Variants in MAP7 observed in about 807,000 individuals in gnomAD.
The protein encoded by MAP7 is microtubule associated protein 7.
Under a neutral mutation model 94.8 loss-of-function variants are expected in MAP7, and 52 were observed. The observed-to-expected ratio is 0.55, with a 90% CI of 0.44 to 0.69. MAP7 has a LOEUF of 0.69. Among genes scored for constraint, MAP7 ranks in the 30% least tolerant of loss-of-function variants. MAP7 has a pLI of 0.00. For missense variants in MAP7, 940 were observed against 964.6 expected (o/e 0.97, Z 0.34); for synonymous variants, 350 against 357.0 (o/e 0.98, Z 0.22).
At chr6:136,523,208 A>G (rs1461934742) in intron 1 of MAP7, among the ~76,000 whole-genome samples, 4 of 152,262 alleles carry the variant, frequency 2.6e-5, no homozygotes, top group African/African-American at 9.6e-5. Flanking sequence ...CTGTGTTCTC[A>G]TGCAGTACAG....
intron 1 of MAP7, among the ~76,000 whole-genome samples, chr6:136,532,937 A>G (rs973387996): frequency 6.6e-6 from 1 of 152,218 alleles, no homozygotes; most frequent in Non-Finnish European, 1.5e-5. Flanking sequence ...CACTACTCTG[A>G]TCTCCGCACC....
intron 1 of MAP7, among the ~76,000 whole-genome samples, chr6:136,498,296 C>T (rs1284565837): frequency 1.3e-5 from 2 of 151,998 alleles, no homozygotes; most frequent in Non-Finnish European, 2.9e-5. Flanking sequence ...TGTTCATCAT[C>T]AGCATGATGA....
At chr6:136,401,605 G>A (rs1784099850) in intron 3 of MAP7, among the ~76,000 whole-genome samples, 1 of 152,062 alleles carries the variant, frequency 6.6e-6, no homozygotes. Context: ...CACAGGATAG[G>A]GAACATCACA....
intron 1 of MAP7, chr6:136,525,901 G>A: frequency 6.5e-7 from 1 of 1,535,104 alleles, no homozygotes; most frequent in Non-Finnish European, 8.7e-7. Context: ...AAACCAAGAG[G>A]AATTGGCCTT....
At chr6:136,511,910 A>T (rs1016069844) in intron 1 of MAP7, among the ~76,000 whole-genome samples, 1 of 152,248 alleles carries the variant, frequency 6.6e-6, no homozygotes, top group African/African-American at 2.4e-5. Flanking sequence ...GTTCAAGGAA[A>T]AATGATGGTA....
chr6:136,524,089 A>T (rs1446508644), intron 1 of MAP7, among the ~76,000 whole-genome samples: 3 of 151,926 alleles, frequency 2.0e-5, no homozygotes, highest in African/African-American at 7.3e-5. Flanking sequence ...AAAATACAAA[A>T]AAAAAGTAGC....
chr6:136,407,130 A>G (rs1473588827), intron 3 of MAP7, among the ~76,000 whole-genome samples: 2 of 152,254 alleles, frequency 1.3e-5, no homozygotes, highest in African/African-American at 2.4e-5. Context: ...ACTGTTTATC[A>G]TTATTGCTAT....
chr6:136,521,257 C>A (rs936549413), intron 1 of MAP7, among the ~76,000 whole-genome samples: 1 of 152,142 alleles, frequency 6.6e-6, no homozygotes, highest in Non-Finnish European at 1.5e-5. Context: ...CTAAATATGG[C>A]TCCAAGACTC....
At position 136,517,590 on chromosome 6, in the gene MAP7, C is replaced by T. The variant is rs139870278; in HGVS notation, c.67+32752G>A. Among the ~76,000 whole-genome samples, 678 of 152,300 alleles carry T rather than the reference C, an allele frequency of 4.5e-3. 6 individuals are homozygous for T. The highest frequency in any genetic ancestry group is 0.016 in the African/African-American group (648 of 41,558). ...CAGCACCTGTGAGCATGATTTTATTCATTTCATTTCACAGATGGGAATCTG... is the reference window on the plus strand; with the variant it reads ...CAGCACCTGTGAGCATGATTTTATTTATTTCATTTCACAGATGGGAATCTG... On this transcript the variant is annotated intron_variant, in intron 1 of 17. Coordinates refer to ENST00000354570, the MANE Select transcript of MAP7 (RefSeq NM_003980.6).
At chr6:136,493,851 A>G (rs1336304050) in intron 1 of MAP7, among the ~76,000 whole-genome samples, 2 of 152,206 alleles carry the variant, frequency 1.3e-5, no homozygotes, top group East Asian at 3.9e-4. Flanking sequence ...AACACCCTAT[A>G]GTACTCTATA....
intron 1 of MAP7, among the ~76,000 whole-genome samples, chr6:136,438,506 T>C (rs1796973321): frequency 6.6e-6 from 1 of 152,176 alleles, no homozygotes; most frequent in South Asian, 2.1e-4. Flanking sequence ...TAGGTGCATT[T>C]TTTTTCTCTC....
chr6:136,484,590 T>C (rs1347214789), intron 1 of MAP7, among the ~76,000 whole-genome samples: 1 of 152,226 alleles, frequency 6.6e-6, no homozygotes, highest in Non-Finnish European at 1.5e-5. Context: ...TCTTAATCAA[T>C]TGAGGGTTGT....
intron 1 of MAP7, among the ~76,000 whole-genome samples, chr6:136,435,986 A>G (rs1003924279): frequency 2.6e-5 from 4 of 152,156 alleles, no homozygotes; most frequent in African/African-American, 9.7e-5. Flanking sequence ...TATTTTTATA[A>G]TGTGCAAATG....
intron 1 of MAP7, among the ~76,000 whole-genome samples, chr6:136,521,720 C>T (rs899291658): frequency 2.0e-5 from 3 of 152,282 alleles, no homozygotes; most frequent in African/African-American, 7.2e-5. Flanking sequence ...TTAAAAGACT[C>T]TTTGCCCATT....
At chr6:136,514,196 T>C (rs1824088044) in intron 1 of MAP7, among the ~76,000 whole-genome samples, 1 of 152,190 alleles carries the variant, frequency 6.6e-6, no homozygotes. Flanking sequence ...CCTTACAAAA[T>C]ATATTTCTTA....
intron 1 of MAP7, among the ~76,000 whole-genome samples, chr6:136,455,420 C>G (rs1381212659): frequency 1.3e-5 from 2 of 151,936 alleles, no homozygotes; most frequent in Admixed American, 6.6e-5. Context: ...TCAGTAATGG[C>G]TAGAACAAAC....
intron 3 of MAP7, among the ~76,000 whole-genome samples, chr6:136,408,095 C>T (rs1017090149): frequency 2.0e-5 from 3 of 151,740 alleles, no homozygotes; most frequent in Non-Finnish European, 4.4e-5. Flanking sequence ...GATTCTCCAC[C>T]CCACCCTTGG....
intron 1 of MAP7, among the ~76,000 whole-genome samples, chr6:136,434,976 A>G (rs1025779526): frequency 4.6e-5 from 7 of 152,230 alleles, no homozygotes; most frequent in African/African-American, 1.7e-4. Context: ...CATTTCAAAC[A>G]AGAGAATCCA....
chr6:136,503,837 C>T (rs991715946), intron 1 of MAP7, among the ~76,000 whole-genome samples: 1 of 152,134 alleles, frequency 6.6e-6, no homozygotes, highest in Non-Finnish European at 1.5e-5. Flanking sequence ...GGCAATTTGG[C>T]ATGTGAAAAT....
Sources: gnomAD v4.1 joint callset for allele counts (sites outside exome capture counted in the v4.1 genomes callset) on GRCh38, gnomAD v4.1.1 for gene constraint, MANE v1.5 for transcripts, NCBI Gene and HGNC (gene_info 2026-07-23, HGNC 2026-07-21) for gene names.